The following RORA variants were observed in gnomAD, a reference collection of about 807,000 sequenced individuals.
RORA encodes the protein RAR related orphan receptor A.
A neutral mutation model predicts 69.5 loss-of-function variants in RORA; 7 were observed. The ratio of observed to expected loss-of-function variants is 0.10; its 90% CI spans 0.06 to 0.19. The LOEUF (loss-of-function observed/expected upper bound fraction) is 0.19, where lower values mean the gene tolerates loss of function less well. Among genes scored for constraint, RORA ranks in the 10% least tolerant of loss-of-function variants. RORA has a pLI of 1.00. For missense variants in RORA, 457 were observed against 663.0 expected (o/e 0.69, Z 3.41); for synonymous variants, 261 against 240.8 (o/e 1.08, Z -0.78).
intron 2 of RORA, among the ~76,000 whole-genome samples, chr15:60,642,186 C>T (rs1412367008): frequency 1.3e-5 from 2 of 150,780 alleles, no homozygotes; most frequent in East Asian, 1.9e-4. Context: ...AAGAGGGACA[C>T]GGTAAAGTGG....
At chr15:61,140,385 C>A (rs968341971) in intron 1 of RORA, among the ~76,000 whole-genome samples, 2 of 152,160 alleles carry the variant, frequency 1.3e-5, no homozygotes, top group Non-Finnish European at 2.9e-5. Context: ...TAATAACCCC[C>A]GCCAAAATTC....
chr15:61,026,195 T>G (rs983778930), intron 1 of RORA, among the ~76,000 whole-genome samples: 12 of 152,240 alleles, frequency 7.9e-5, no homozygotes, highest in African/African-American at 2.4e-4. Context: ...TCCATCGTTG[T>G]TAAAACTGTC....
At chr15:60,912,094 T>C (rs1389552522) in intron 1 of RORA, among the ~76,000 whole-genome samples, 2 of 152,156 alleles carry the variant, frequency 1.3e-5, no homozygotes, top group Non-Finnish European at 2.9e-5. Flanking sequence ...TCCAATATTT[T>C]GCTTAAGGCA....
intron 2 of RORA, among the ~76,000 whole-genome samples, chr15:60,567,328 C>G (rs1011552831): frequency 1.3e-5 from 2 of 152,020 alleles, no homozygotes; most frequent in African/African-American, 4.8e-5. Context: ...CTCACACCAC[C>G]TGCCTAGGGG....
chr15:60,581,496 G>A (rs988762932), intron 2 of RORA, among the ~76,000 whole-genome samples: 2 of 152,138 alleles, frequency 1.3e-5, no homozygotes, highest in Non-Finnish European at 2.9e-5. Flanking sequence ...TTGTGTCTAG[G>A]GCAAACGTGG....
chr15:61,099,042 A>G (rs1038674252), intron 1 of RORA, among the ~76,000 whole-genome samples: 1 of 152,236 alleles, frequency 6.6e-6, no homozygotes, highest in Admixed American at 6.5e-5. Flanking sequence ...CATCAGACAG[A>G]CCAAGAAATG....
At chr15:61,127,094 C>G (rs1012563616) in intron 1 of RORA, among the ~76,000 whole-genome samples, 4 of 152,116 alleles carry the variant, frequency 2.6e-5, no homozygotes, top group Non-Finnish European at 5.9e-5. Flanking sequence ...GACACCTACC[C>G]AGGAAAGATC....
intron 1 of RORA, among the ~76,000 whole-genome samples, chr15:61,029,213 T>C (rs753122350): frequency 2.0e-5 from 3 of 151,580 alleles, no homozygotes; most frequent in Non-Finnish European, 4.4e-5. Flanking sequence ...AATAAATCTA[T>C]GTGAAAATAC....
chr15:61,032,972 A>G (rs183427154), intron 1 of RORA, among the ~76,000 whole-genome samples: 267 of 152,334 alleles, frequency 1.8e-3, no homozygotes, highest in Admixed American at 4.0e-3. Context: ...TGCTTTAAAT[A>G]CTTTATGATA....
At chr15:60,769,940 G>A (rs2072049049) in intron 1 of RORA, among the ~76,000 whole-genome samples, 1 of 152,186 alleles carries the variant, frequency 6.6e-6, no homozygotes, top group Admixed American at 6.5e-5. Context: ...ACTGCCTGAA[G>A]AACTCACAGC....
chr15:60,808,889 G>C (rs1047253341), intron 1 of RORA, among the ~76,000 whole-genome samples: 3 of 152,076 alleles, frequency 2.0e-5, no homozygotes, highest in Non-Finnish European at 4.4e-5. Context: ...GAAGGAATTG[G>C]AGATTATCAT....
At chr15:60,649,110 T>C (rs888548420) in intron 2 of RORA, among the ~76,000 whole-genome samples, 12 of 152,112 alleles carry the variant, frequency 7.9e-5, no homozygotes, top group African/African-American at 2.2e-4. Context: ...TTCCAAGCCA[T>C]AGCCCGTCAC....
intron 1 of RORA, among the ~76,000 whole-genome samples, chr15:60,911,127 A>G (rs2140478980): frequency 8.9e-6 from 1 of 112,340 alleles, no homozygotes; most frequent in African/African-American, 3.7e-5. Flanking sequence ...TAGAAACAGG[A>G]TTTCACCATG....
chr15:60,810,811 T>C (rs924643650), intron 1 of RORA, among the ~76,000 whole-genome samples: 8 of 152,102 alleles, frequency 5.3e-5, no homozygotes, highest in African/African-American at 1.9e-4. Flanking sequence ...AAATGACTGG[T>C]AATTCTTGTT....
At position 60,783,234 on chromosome 15, in the gene RORA, CT is replaced by C. The variant is rs142670502; in HGVS notation, c.167-104549del. On this transcript the variant is annotated intron_variant, in intron 1 of 10. Coordinates refer to ENST00000335670, the MANE Select transcript of RORA (RefSeq NM_134261.3). ...AGAGGATTTACTTGAATGTTTTTATCTTTTTTTTAATATACCAAAGAAATAA... is the reference window on the plus strand; with the variant it reads ...AGAGGATTTACTTGAATGTTTTTATCTTTTTTTAATATACCAAAGAAATAA... Among the ~76,000 whole-genome samples the C allele has an allele frequency of 4.6e-3, 705 of 152,002 alleles. 8 individuals carry two copies. The highest frequency in any genetic ancestry group is 0.016 in the African/African-American group (676 of 41,448).
intron 1 of RORA, among the ~76,000 whole-genome samples, chr15:60,883,529 CT>C (rs1595790273): frequency 6.6e-6 from 1 of 152,152 alleles, no homozygotes; most frequent in African/African-American, 2.4e-5. Flanking sequence ...GGCCAGGGAT[CT>C]TGCCTTTTCA....
Position 61,147,792 on chromosome 15 carries a change from T to TGTGTGTGTGTGTGTGTGTGA in RORA, c.166+81260_166+81261insTCACACACACACACACACAC, listed in dbSNP as rs1437366513. Among the ~76,000 whole-genome samples, 1 of 151,684 alleles carries TGTGTGTGTGTGTGTGTGTGA rather than the reference T, an allele frequency of 6.6e-6. No homozygotes were observed. The highest frequency in any genetic ancestry group is 1.5e-5 in the Non-Finnish European group (1 of 68,000). On this transcript the variant is annotated intron_variant, in intron 1 of 10. Transcript: ENST00000335670. This position sits in a 1 kb window ranked among gnomAD's most constrained non-coding sequence, Gnocchi z 4.1. ...GTGTGTGTGTGTGTGTGTGTGTGTG[T>TGTGTGTGTGTGTGTGTGTGA]GTGAAATCTTTAGGTTTTTTTACCT...
chr15:60,965,908 T>C (rs1893542964), intron 1 of RORA, among the ~76,000 whole-genome samples: 3 of 152,172 alleles, frequency 2.0e-5, no homozygotes, highest in Non-Finnish European at 4.4e-5. Context: ...AATTTTAATA[T>C]ATATGTATTA....
intron 3 of RORA, among the ~76,000 whole-genome samples, chr15:60,519,342 A>G (rs907777952): frequency 6.6e-6 from 1 of 152,240 alleles, no homozygotes; most frequent in African/African-American, 2.4e-5. Context: ...GGCAAATCCT[A>G]TCATTCCCCT....
Sources: gnomAD v4.1 joint callset for allele counts (sites outside exome capture counted in the v4.1 genomes callset) on GRCh38, gnomAD v4.1.1 for gene constraint, Gnocchi (gnomAD v3.1) non-coding constraint, MANE v1.5 for transcripts, NCBI Gene and HGNC (gene_info 2026-07-23, HGNC 2026-07-21) for gene names.